Variants in LDB3 observed in about 807,000 individuals in gnomAD.
The protein encoded by LDB3 is LIM domain binding 3.
LDB3 carries 49 observed loss-of-function variants against 69.0 expected under a neutral mutation model. That is an observed-to-expected ratio of 0.71 (90% CI 0.56 to 0.90). LDB3 has a LOEUF of 0.90. LDB3 is among the 40% of genes least tolerant of loss of function. LDB3 has a pLI of 0.00. For missense variants in LDB3, 928 were observed against 974.1 expected, an observed-to-expected ratio of 0.95 and a Z score of 0.63; for synonymous variants, 387 against 396.2, an observed-to-expected ratio of 0.98 and a Z score of 0.28.
rs1846156972 is a variant in LDB3 at position 86,699,371 on chromosome 10, C to T, written c.896+6800C>T. Reference sequence around the variant, plus strand: ...CAGCCCAAATCCTTAATGTTAAAAGCTAAAAGGCTGCCTGGAATCCCCCCA... The same window carrying T: ...CAGCCCAAATCCTTAATGTTAAAAGTTAAAAGGCTGCCTGGAATCCCCCCA... On this transcript the variant is annotated intron_variant, in intron 7 of 13. Transcript: ENST00000361373. This position sits in a 1 kb window ranked among gnomAD's most constrained non-coding sequence, Gnocchi z 4.9. The T allele has an allele frequency of 8.1e-6, 13 of 1,613,824 alleles. No homozygotes were observed. Among genetic ancestry groups the T allele is most frequent in the Middle Eastern group, 3.3e-4 (2 of 6,062 alleles).
intron 11 of LDB3, among the ~76,000 whole-genome samples, chr10:86,718,357 A>G (rs994647381): frequency 2.0e-5 from 3 of 152,232 alleles, no homozygotes; most frequent in Non-Finnish European, 4.4e-5. Flanking sequence ...CACAGCTTGA[A>G]GTGGTGGTGG....
chr10:86,679,796 T>C lies in LDB3; in HGVS notation c.245+278T>C, dbSNP rs60835566. On this transcript the variant is annotated intron_variant, in intron 3 of 13. Coordinates refer to ENST00000361373, the MANE Select transcript of LDB3 (RefSeq NM_007078.3). Reference sequence around the variant, plus strand: ...GCCATTGGTCCTGGAAGGCAGGTCTTACCTACTTCCACTTTGCCCAGGCAG... The same window carrying C: ...GCCATTGGTCCTGGAAGGCAGGTCTCACCTACTTCCACTTTGCCCAGGCAG... Among the ~76,000 whole-genome samples the C allele has an allele frequency of 0.048, 7,319 of 152,262 alleles. 561 individuals carry two copies. Among genetic ancestry groups the C allele is most frequent in the African/African-American group, 0.16 (6,807 of 41,538 alleles).
At chr10:86,681,922 A>G in intron 5 of LDB3, 119 bp downstream of exon 5, 1 of 1,079,426 alleles carries the variant, frequency 9.3e-7, no homozygotes, top group Non-Finnish European at 1.4e-6. Flanking sequence ...GCCAGCCCCG[A>G]GCCCATGAGG....
At chr10:86,688,299 G>A (rs1184622416) in intron 5 of LDB3, among the ~76,000 whole-genome samples, 1 of 152,140 alleles carries the variant, frequency 6.6e-6, no homozygotes, top group Non-Finnish European at 1.5e-5. Context: ...GAGGGATGGA[G>A]GGATTAAAAA....
At chr10:86,729,586 C>G (rs1283254475) in intron 13 of LDB3, among the ~76,000 whole-genome samples, 1 of 152,140 alleles carries the variant, frequency 6.6e-6, no homozygotes, top group African/African-American at 2.4e-5. Flanking sequence ...ATAGCCAGGC[C>G]CTGATGTCAC....
At chr10:86,691,738 C>A (rs1845771103) in intron 5 of LDB3, among the ~76,000 whole-genome samples, 158 bp from the exon 6 acceptor site, 1 of 152,086 alleles carries the variant, frequency 6.6e-6, no homozygotes, top group Non-Finnish European at 1.5e-5. Flanking sequence ...ACCGAGAACC[C>A]AGGTCATGCC....
At chr10:86,724,060 C>T (rs1443952141) in intron 12 of LDB3, among the ~76,000 whole-genome samples, 4 of 152,132 alleles carry the variant, frequency 2.6e-5, no homozygotes, top group Non-Finnish European at 4.4e-5. Flanking sequence ...CCTGTAATCC[C>T]AGCACTTTGG....
At chr10:86,700,075 G>C in intron 7 of LDB3, 1 of 985,866 alleles carries the variant, frequency 1.0e-6, no homozygotes, top group Non-Finnish European at 1.2e-6. Flanking sequence ...TGCTGTGCCT[G>C]TGTGTGTCCC....
intron 7 of LDB3, among the ~76,000 whole-genome samples, chr10:86,697,555 T>C (rs1363504035): frequency 4.7e-4 from 64 of 135,666 alleles, no homozygotes; most frequent in African/African-American, 1.7e-3. Flanking sequence ...CTTTCTTTTT[T>C]TTTTTTTTTT....
intron 10 of LDB3, among the ~76,000 whole-genome samples, chr10:86,716,978 G>A (rs1287565126): frequency 6.6e-6 from 1 of 152,232 alleles, no homozygotes; most frequent in Non-Finnish European, 1.5e-5. Context: ...CCAGGGAGCT[G>A]GGAGGAATGG....
intron 7 of LDB3, among the ~76,000 whole-genome samples, chr10:86,697,214 ACT>A (rs1846036506): frequency 1.0e-5 from 1 of 99,150 alleles, no homozygotes; most frequent in East Asian, 3.4e-4. Flanking sequence ...CTAGCAATTC[ACT>A]TTTTTTTTTT....
At chr10:86,696,059 G>T (rs1025306824) in intron 7 of LDB3, among the ~76,000 whole-genome samples, 1 of 152,170 alleles carries the variant, frequency 6.6e-6, no homozygotes, top group Non-Finnish European at 1.5e-5. Context: ...TTCCATCCCA[G>T]ATCATGCAAA....
At chr10:86,712,064 CAGGCTGAAGGAT>C (rs1482719142) in intron 9 of LDB3, among the ~76,000 whole-genome samples, 3 of 152,266 alleles carry the variant, frequency 2.0e-5, no homozygotes, top group African/African-American at 7.2e-5. Flanking sequence ...GACGGCGAGC[CAGGCTGAAGGAT>C]GCAGAAGCTG....
chr10:86,709,275 T>C (rs1359543517), intron 8 of LDB3, among the ~76,000 whole-genome samples: 1 of 151,984 alleles, frequency 6.6e-6, no homozygotes, highest in Admixed American at 6.6e-5. Flanking sequence ...TTTGACCCCA[T>C]TGTCCCTGGG....
At chr10:86,683,705 C>T (rs982076195) in intron 5 of LDB3, among the ~76,000 whole-genome samples, 5 of 152,346 alleles carry the variant, frequency 3.3e-5, no homozygotes, top group African/African-American at 9.6e-5. Flanking sequence ...CAGGCAATGC[C>T]GGCAGGAAGG....
chr10:86,710,163 C>T, intron 9 of LDB3, 113 bp downstream of exon 9: 1 of 1,538,978 alleles, frequency 6.5e-7, no homozygotes, highest in Non-Finnish European at 8.7e-7. Context: ...GGAAGCAAGG[C>T]CTTGCTAATG....
At chr10:86,700,083 C>T (rs767997345) in intron 7 of LDB3, 293 of 984,662 alleles carry the variant, frequency 3.0e-4, no homozygotes, top group Non-Finnish European at 3.4e-4. Context: ...CTGTGTGTGT[C>T]CCACCCAAGA....
At chr10:86,690,067 AC>A (rs1419967240) in intron 5 of LDB3, among the ~76,000 whole-genome samples, 2 of 152,042 alleles carry the variant, frequency 1.3e-5, no homozygotes, top group African/African-American at 4.8e-5. Flanking sequence ...GCTTTCTTGA[AC>A]CCTTGGAGCC....
At chr10:86,666,835 G>A (rs1250518706), upstream of LDB3, 5 of 470,138 alleles carry the variant, frequency 1.1e-5, no homozygotes, top group African/African-American at 2.0e-5. Context: ...CAGAGAGACA[G>A]CGTGCAGCTC....
Sources: allele counts gnomAD v4.1 joint callset (sites outside exome capture counted in the v4.1 genomes callset), GRCh38; gene constraint gnomAD v4.1.1; non-coding constraint Gnocchi (gnomAD v3.1); transcripts MANE v1.5; gene names NCBI Gene and HGNC (gene_info 2026-07-23, HGNC 2026-07-21).